Variants in MEX3A observed in about 807,000 individuals in gnomAD.
MEX3A encodes RNA-binding protein MEX3A.
In MEX3A, 4 loss-of-function variants were observed where a neutral mutation model predicts 30.0. The observed-to-expected ratio is 0.13, with a 90% confidence interval of 0.07 to 0.30. The LOEUF is 0.30. Ranked by LOEUF, MEX3A falls within the 10% of genes least tolerant of loss-of-function variation. The probability of loss-of-function intolerance (pLI) is 1.00; values close to 1 mark genes in which losing one functional copy is unlikely to be tolerated. For missense variants in MEX3A, 555 were observed against 736.7 expected, an observed-to-expected ratio of 0.75 and a Z score of 2.86; for synonymous variants, 335 against 327.6, an observed-to-expected ratio of 1.02 and a Z score of -0.24.
rs1176964761 is a variant in MEX3A, at chr1:156,074,410, T to A, written c.*2164A>T. On this transcript the variant is annotated 3_prime_UTR_variant, in exon 2 of 2. Coordinates refer to ENST00000532414, the MANE Select transcript of MEX3A (RefSeq NM_001093725.2). ...ATTAAATTATAAAGAACTGCTTTTT[T>A]TTTTTTTTTTTGCTATTTTTGTTTT... The A allele has an allele frequency of 4.6e-5, 7 of 152,116 alleles. No homozygotes were observed. Among genetic ancestry groups the A allele is most frequent in the Non-Finnish European group, 1.0e-4 (7 of 67,906 alleles). The allele number at this position is 152,116 out of a possible 1,614,324, so 9.4% of individuals were successfully genotyped here. A position where few individuals can be genotyped will look rare whatever the true frequency, so the allele number is the denominator to read the frequency against.
Position 156,081,572 on chromosome 1 carries a change from G to T in MEX3A, c.427C>A (p.His143Asn). Residue 143 changes from histidine (H) to asparagine (N), a missense_variant, in exon 1 of 2, where the codon CAC becomes AAC. Physicochemically the swap from His to Asn is moderately conservative, Grantham distance 68. Coordinates refer to ENST00000532414, the MANE Select transcript of MEX3A (RefSeq NM_001093725.2). ...TECVPVPTSE[H>N]VAEIVGRQGC... Reference sequence around the variant, plus strand: ...TGCCTGCCCACGATCTCGGCCACGTGCTCGGAGGTGGGCACGGGAACACAC... The same window carrying T: ...TGCCTGCCCACGATCTCGGCCACGTTCTCGGAGGTGGGCACGGGAACACAC... The T allele has an allele frequency of 6.2e-7, 1 of 1,600,110 alleles. No individual in the cohort carries two copies. The highest frequency in any genetic ancestry group is 8.5e-7 in the Non-Finnish European group (1 of 1,175,336).
In MEX3A at chr1:156,082,411, C is replaced by A. The variant is rs929321522; in HGVS notation, c.-413G>T. Among the ~76,000 whole-genome samples the A allele has an allele frequency of 1.3e-5, 2 of 152,124 alleles. No homozygotes were observed. Among genetic ancestry groups the A allele is most frequent in the Non-Finnish European group, 2.9e-5 (2 of 67,996 alleles). On this transcript the variant is annotated 5_prime_UTR_variant, in exon 1 of 2. Coordinates refer to ENST00000532414, the MANE Select transcript of MEX3A (RefSeq NM_001093725.2). The stretch of plus-strand genomic sequence containing the variant: ...CCCGCACCGAGCCCCAGTCCGGGAG[C>A]GGCGCTCAGTGGCCCCCAATAGAGC...
chr1:156,081,782 G>C lies in MEX3A; in HGVS notation c.217C>G (p.Pro73Ala). 1 of 936,506 alleles carries C rather than the reference G, an allele frequency of 1.1e-6. No homozygotes were observed. Among genetic ancestry groups the C allele is most frequent in the Non-Finnish European group, 1.3e-6 (1 of 759,328 alleles). The allele number at this position is 936,506 out of a possible 1,614,324, so 58.0% of individuals were successfully genotyped here. Residue 73 changes from proline to alanine, a missense_variant, in exon 1 of 2, where the codon CCG becomes GCG. Physicochemically the swap from Pro to Ala is conservative, Grantham distance 27 (BLOSUM62 -1). This residue lies in a region of MEX3A where 159 missense variants were observed against 159.9 expected (regional missense o/e 0.99). Coordinates refer to ENST00000532414, the MANE Select transcript of MEX3A (RefSeq NM_001093725.2). ...GGGGGGAPAQ[P>A]AAPPQPAPPP... ...GGGGCCGGCTGCGGGGGGGCGGCCG[G>C]CTGCGCGGGGGCGCCGCCCCCCCCA...
At chr1:156,080,778 T>G (rs1648198462) in intron 1 of MEX3A, among the ~76,000 whole-genome samples, 8 of 130,350 alleles carry the variant, frequency 6.1e-5, no homozygotes, top group South Asian at 5.8e-4. Flanking sequence ...CCCCCCAGCA[T>G]TCCCCCTCCT....
rs932301682 is a variant in MEX3A at position 156,076,358 on chromosome 1, A to G, written c.*216T>C. ...GAGTTGTAACTCTAGTAAAATTTTC[A>G]GTCTGGCCCCCTCCCAATCTTTCCA... On this transcript the variant is annotated 3_prime_UTR_variant, in exon 2 of 2. Coordinates refer to ENST00000532414, the MANE Select transcript of MEX3A (RefSeq NM_001093725.2). The surrounding 1 kb of genome is among the most constrained non-coding windows in gnomAD (Gnocchi z 6.0). 1 of 488,186 alleles carries G rather than the reference A, an allele frequency of 2.0e-6. No homozygotes were observed. Among genetic ancestry groups the G allele is most frequent in the Non-Finnish European group, 3.6e-6 (1 of 280,152 alleles). 30.2% of individuals were successfully genotyped at this position (488,186 alleles called of 1,614,324 possible). A position where few individuals can be genotyped will look rare whatever the true frequency, so the allele number is the denominator to read the frequency against.
rs1170775030 is a variant in MEX3A, at chr1:156,077,519, G to C, written c.618C>G (p.Ser206=). 3.1e-6 allele frequency: 5 copies of C among 1,612,640 alleles called. No homozygotes were observed. Among genetic ancestry groups the C allele is most frequent in the Non-Finnish European group, 3.4e-6 (4 of 1,179,346 alleles). Residue 206 remains serine (S), a synonymous_variant, in exon 2 of 2, where the codon TCC becomes TCG. Coordinates refer to ENST00000532414, the MANE Select transcript of MEX3A (RefSeq NM_001093725.2). The surrounding 1 kb of genome is among the most constrained non-coding windows in gnomAD (Gnocchi z 8.3). The stretch of plus-strand genomic sequence containing the variant: ...CAAAGGCGGCGCCTGACTTGTTGCG[G>C]GAGGCACGGATCATGGAGAAGTGCT... The part of the protein sequence containing the change: ...AAEHFSMIRA[S]RNKSGAAFGV...
In MEX3A at chr1:156,077,685, G is replaced by A. The variant is rs1231119418; in HGVS notation, c.455-3C>T. 8 of 1,578,122 alleles carry A rather than the reference G, an allele frequency of 5.1e-6. No homozygotes were observed. Among genetic ancestry groups the A allele is most frequent in the Admixed American group, 1.7e-5 (1 of 58,518 alleles). On this transcript the variant is annotated splice_polypyrimidine_tract_variant and splice_region_variant and intron_variant, in intron 1 of 1. Transcript: ENST00000532414. The surrounding 1 kb of genome is among the most constrained non-coding windows in gnomAD (Gnocchi z 8.3). Reference sequence around the variant, plus strand: ...CCTCAAGGCCTTAATCTTGCAGCCTGGGATAGGGCGGGGAAGGAGAGAGAC... The same window carrying A: ...CCTCAAGGCCTTAATCTTGCAGCCTAGGATAGGGCGGGGAAGGAGAGAGAC...
Position 156,076,854 on chromosome 1 carries a change from G to A in MEX3A, c.1283C>T (p.Ser428Phe). Residue 428 changes from serine (S) to phenylalanine (F), a missense_variant, in exon 2 of 2, where the codon TCC becomes TTC. Ser to Phe is a radical substitution (Grantham distance 155). Around this residue, in one of 6 missense-constraint regions of MEX3A, gnomAD observed 281 missense variants for 265.1 expected, o/e 1.06. Transcript: ENST00000532414. The surrounding 1 kb of genome is among the most constrained non-coding windows in gnomAD (Gnocchi z 6.0). ...ARAGPPGAHR[S>F]PATSAGPELA... ...CTCGGGTCCCGCGGAAGTGGCAGGG[G>A]AGCGGTGTGCGCCCGGGGGCCCAGC... 1 of 1,540,644 alleles carries A rather than the reference G, an allele frequency of 6.5e-7. No homozygotes were observed. The highest frequency in any genetic ancestry group is 8.8e-7 in the Non-Finnish European group (1 of 1,142,752).
rs1382204216 is a variant in MEX3A at position 156,076,454 on chromosome 1, A to T, written c.*120T>A. 8 of 1,042,000 alleles carry T rather than the reference A, an allele frequency of 7.7e-6. No individual in the cohort carries two copies. Among genetic ancestry groups the T allele is most frequent in the African/African-American group, 1.6e-5 (1 of 61,114 alleles). 64.5% of individuals were successfully genotyped at this position (1,042,000 alleles called of 1,614,324 possible). A position where few individuals can be genotyped will look rare whatever the true frequency, so the allele number is the denominator to read the frequency against. On this transcript the variant is annotated 3_prime_UTR_variant, in exon 2 of 2. Coordinates refer to ENST00000532414, the MANE Select transcript of MEX3A (RefSeq NM_001093725.2). The surrounding 1 kb of genome is among the most constrained non-coding windows in gnomAD (Gnocchi z 6.0). ...CCACTGCCTCCCTCCCCCCTTCCCCAGCGAGCGAGTATCTCTAAGCACCTT... is the reference window on the plus strand; with the variant it reads ...CCACTGCCTCCCTCCCCCCTTCCCCTGCGAGCGAGTATCTCTAAGCACCTT...
In MEX3A at chr1:156,077,477, C is replaced by G. The variant is rs1648109474; in HGVS notation, c.660G>C (p.Leu220=). The stretch of plus-strand genomic sequence containing the variant: ...GCACACGGATGGTCACCTGGCCGGG[C>G]AGAGCAGGAGCCACACCAAAGGCGG... The part of the protein sequence containing the change: ...SGAAFGVAPA[L]PGQVTIRVRV... Residue 220 remains leucine, a synonymous_variant, in exon 2 of 2, where the codon CTG becomes CTC. Coordinates refer to ENST00000532414, the MANE Select transcript of MEX3A (RefSeq NM_001093725.2). This position sits in a 1 kb window ranked among gnomAD's most constrained non-coding sequence, Gnocchi z 8.3. The G allele has an allele frequency of 2.5e-6, 4 of 1,613,306 alleles. No homozygotes were observed. Among genetic ancestry groups the G allele is most frequent in the Non-Finnish European group, 3.4e-6 (4 of 1,179,650 alleles).
rs1432712540 is a variant in MEX3A at position 156,077,237 on chromosome 1, A to G, written c.900T>C (p.Asn300=). The stretch of plus-strand genomic sequence containing the variant: ...GGCTCCCCGCCAGGAAGTCGTTTTC[A>G]TTGTTGTACTCGAGGATCTTGCCAG... ...VRTGKILEYN[N]ENDFLAGSPD... is the part of the protein sequence containing the mutation. The change falls in exon 2 of 2, where the codon AAT becomes AAC. Residue 300 remains asparagine, a synonymous_variant. Transcript: ENST00000532414. This position sits in a 1 kb window ranked among gnomAD's most constrained non-coding sequence, Gnocchi z 8.3. 1.9e-6 allele frequency: 3 copies of G among 1,613,612 alleles called. No homozygotes were observed. Among genetic ancestry groups the G allele is most frequent in the Non-Finnish European group, 2.5e-6 (3 of 1,179,840 alleles).
chr1:156,080,750 C>T (rs1016760707), intron 1 of MEX3A, among the ~76,000 whole-genome samples: 1 of 151,844 alleles, frequency 6.6e-6, no homozygotes, highest in Non-Finnish European at 1.5e-5. Context: ...CACCAAATTT[C>T]CAGGTGAAGG....
Position 156,074,747 on chromosome 1 carries a change from G to C in MEX3A, c.*1827C>G, listed in dbSNP as rs1263106660. On this transcript the variant is annotated 3_prime_UTR_variant, in exon 2 of 2. Transcript: ENST00000532414. ...CATCTCAGGATGGCTCACATAGGCG[G>C]GAAGGAGGGAAGTCGTCACAGGGCA... 2.0e-5 allele frequency: 3 copies of C among 152,444 alleles called. No individual in the cohort carries two copies. Among genetic ancestry groups the C allele is most frequent in the Non-Finnish European group, 4.4e-5 (3 of 68,000 alleles). The allele number at this position is 152,444 out of a possible 1,614,324, so 9.4% of individuals were successfully genotyped here. A position where few individuals can be genotyped will look rare whatever the true frequency, so the allele number is the denominator to read the frequency against.
Position 156,076,831 on chromosome 1 carries a change from C to G in MEX3A, c.1306G>C (p.Glu436Gln). The G allele has an allele frequency of 6.5e-7, 1 of 1,547,880 alleles. No homozygotes were observed. Among genetic ancestry groups the G allele is most frequent in the Non-Finnish European group, 8.7e-7 (1 of 1,145,730 alleles). The part of the protein sequence containing the change: ...HRSPATSAGP[E>Q]LAGLPRRPPG... ...GGGCGCCTCGGGAGTCCGGCCAGCT[C>G]GGGTCCCGCGGAAGTGGCAGGGGAG... The change falls in exon 2 of 2, where the codon GAG becomes CAG. Residue 436 changes from glutamate to glutamine, a missense_variant. By Grantham distance (29) the Glu-to-Gln change is conservative. Transcript: ENST00000532414. The surrounding 1 kb of genome is among the most constrained non-coding windows in gnomAD (Gnocchi z 6.0).
chr1:156,077,291 C>T lies in MEX3A; in HGVS notation c.846G>A (p.Glu282=), dbSNP rs1198629259. ...GCACCGCGATGTGCGTCTCGATCTC[C>T]TCGCGCGCACGCTCCACGTTGCCTG... ...GAPGNVERAR[E]EIETHIAVRT... is the part of the protein sequence containing the mutation. Residue 282 remains glutamate (E), a synonymous_variant, in exon 2 of 2, where the codon GAG becomes GAA. Coordinates refer to ENST00000532414, the MANE Select transcript of MEX3A (RefSeq NM_001093725.2). The surrounding 1 kb of genome is among the most constrained non-coding windows in gnomAD (Gnocchi z 8.3). 5.0e-6 allele frequency: 8 copies of T among 1,613,836 alleles called. No homozygotes were observed. Among genetic ancestry groups the T allele is most frequent in the Non-Finnish European group, 6.8e-6 (8 of 1,179,868 alleles).
In MEX3A at chr1:156,077,031, A is replaced by T. The variant is rs1196242640; in HGVS notation, c.1106T>A (p.Leu369His). Reference protein sequence around the residue: ...QGGDFGYGGYLFPGYGVGKQD... With the variant: ...QGGDFGYGGYHFPGYGVGKQD... ...CTTGCCCACGCCATAGCCCGGAAAGAGGTACCCGCCGTAGCCAAAGTCCCC... is the reference window on the plus strand; with the variant it reads ...CTTGCCCACGCCATAGCCCGGAAAGTGGTACCCGCCGTAGCCAAAGTCCCC... Residue 369 changes from leucine to histidine, a missense_variant, in exon 2 of 2, where the codon CTC (leucine) becomes CAC (histidine). This residue lies in a region of MEX3A where 281 missense variants were observed against 265.1 expected (regional missense o/e 1.06). Coordinates refer to ENST00000532414, the MANE Select transcript of MEX3A (RefSeq NM_001093725.2). The surrounding 1 kb of genome is among the most constrained non-coding windows in gnomAD (Gnocchi z 8.3). 9.3e-6 allele frequency: 15 copies of T among 1,613,468 alleles called. No homozygotes were observed. Among genetic ancestry groups the T allele is most frequent in the Non-Finnish European group, 1.3e-5 (15 of 1,179,814 alleles).
In MEX3A at chr1:156,082,046, G is replaced by A; in HGVS notation, c.-48C>T. The A allele has an allele frequency of 7.3e-6, 9 of 1,232,384 alleles. No homozygotes were observed. Among genetic ancestry groups the A allele is most frequent in the Non-Finnish European group, 9.9e-6 (9 of 908,140 alleles). The allele number at this position is 1,232,384 out of a possible 1,614,324, so 76.3% of individuals were successfully genotyped here. On this transcript the variant is annotated 5_prime_UTR_variant, in exon 1 of 2. Transcript: ENST00000532414. ...AGAGAGAGGGAGAGAGAGAGAGAGA[G>A]GTGGTGGAAGGGAAAAGAGGAGAGA... is the stretch of plus-strand genomic sequence containing the variant.
intron 1 of MEX3A, among the ~76,000 whole-genome samples, chr1:156,078,394 CT>C (rs1242264685): frequency 2.6e-5 from 4 of 152,120 alleles, no homozygotes. Context: ...TGGAGTTAAA[CT>C]TCTGTGTGAG....
Position 156,076,355 on chromosome 1 carries a change from T to C in MEX3A, c.*219A>G, listed in dbSNP as rs1481407531. On this transcript the variant is annotated 3_prime_UTR_variant, in exon 2 of 2. Transcript: ENST00000532414. The surrounding 1 kb of genome is among the most constrained non-coding windows in gnomAD (Gnocchi z 6.0). ...TCAGAGTTGTAACTCTAGTAAAATT[T>C]TCAGTCTGGCCCCCTCCCAATCTTT... is the stretch of plus-strand genomic sequence containing the variant. 4.1e-6 allele frequency: 2 copies of C among 486,360 alleles called. No homozygotes were observed. Among genetic ancestry groups the C allele is most frequent in the South Asian group, 3.9e-5 (1 of 25,372 alleles). The allele number at this position is 486,360 out of a possible 1,614,324, so 30.1% of individuals were successfully genotyped here. A position where few individuals can be genotyped will look rare whatever the true frequency, so the allele number is the denominator to read the frequency against.
Sources: allele counts gnomAD v4.1 joint callset (sites outside exome capture counted in the v4.1 genomes callset), GRCh38; gene constraint gnomAD v4.1.1; regional missense constraint gnomAD v4.1.1; non-coding constraint Gnocchi (gnomAD v3.1); transcripts MANE v1.5; gene names NCBI Gene and HGNC (gene_info 2026-07-23, HGNC 2026-07-21).